Variants in CHN2 observed in about 807,000 individuals in gnomAD.
CHN2 encodes the protein chimerin 2.
A neutral mutation model predicts 56.3 loss-of-function variants in CHN2; 35 were observed. That is an observed-to-expected ratio of 0.62 (90% CI 0.47 to 0.82). CHN2 has a LOEUF of 0.82. Among genes scored for constraint, CHN2 ranks in the 40% least tolerant of loss-of-function variants. CHN2 has a pLI of 0.00. For synonymous variants in CHN2, 210 were observed against 212.8 expected (o/e 0.99, Z 0.12); for missense variants, 491 against 580.5 (o/e 0.85, Z 1.58).
Position 29,235,713 on chromosome 7 carries a change from A to G in CHN2, c.49+40723A>G, listed in dbSNP as rs146843015. Among the ~76,000 whole-genome samples the G allele has an allele frequency of 9.9e-3, 1,509 of 152,368 alleles. 28 individuals carry two copies. The highest frequency in any genetic ancestry group is 0.035 in the African/African-American group (1,446 of 41,584). ...ATGGAATACTATGTAGCCATAAAAA[A>G]GAATGAAATCATGTCCTTTGCAGCA... On this transcript the variant is annotated intron_variant, in intron 1 of 12. Coordinates refer to ENST00000222792, the MANE Select transcript of CHN2 (RefSeq NM_004067.4).
At chr7:29,364,519 G>C (rs1798991773) in intron 2 of CHN2, among the ~76,000 whole-genome samples, 2 of 152,334 alleles carry the variant, frequency 1.3e-5, no homozygotes, top group Admixed American at 1.3e-4. Context: ...GATTTTAGGA[G>C]ATGGCCATTG....
chr7:29,334,387 T>C (rs1343227390), intron 1 of CHN2: 1 of 152,070 alleles, frequency 6.6e-6, no homozygotes, highest in Non-Finnish European at 1.5e-5. Context: ...TGTTGGCATA[T>C]CAAGTCATGG....
chr7:29,434,099 A>C (rs763423501), intron 6 of CHN2, among the ~76,000 whole-genome samples: 4 of 152,156 alleles, frequency 2.6e-5, no homozygotes, highest in Non-Finnish European at 4.4e-5. Flanking sequence ...TGAAAAGTGC[A>C]CTAAGATAGA....
intron 2 of CHN2, among the ~76,000 whole-genome samples, chr7:29,168,474 A>G (rs568634354): frequency 1.3e-5 from 2 of 152,358 alleles, no homozygotes; most frequent in Admixed American, 6.5e-5. Context: ...CTCATAGTCA[A>G]TCTTTTTTGC....
intron 1 of CHN2, among the ~76,000 whole-genome samples, chr7:29,333,220 C>T (rs966674220): frequency 2.0e-5 from 3 of 152,134 alleles, no homozygotes; most frequent in Admixed American, 6.5e-5. Context: ...ACAGGGGAGG[C>T]ACATCTAGTT....
chr7:29,260,853 C>T (rs978386339), intron 1 of CHN2, among the ~76,000 whole-genome samples: 2 of 152,190 alleles, frequency 1.3e-5, no homozygotes, highest in African/African-American at 4.8e-5. Context: ...GCCCTCATCA[C>T]GTTTCATCTC....
At chr7:29,217,060 G>A (rs1318316215) in intron 1 of CHN2, among the ~76,000 whole-genome samples, 1 of 152,176 alleles carries the variant, frequency 6.6e-6, no homozygotes, top group Non-Finnish European at 1.5e-5. Context: ...CTAAATATAT[G>A]CAGCATTTTA....
intron 6 of CHN2, among the ~76,000 whole-genome samples, chr7:29,469,553 T>A (rs10258578): frequency 2.6e-4 from 40 of 152,080 alleles, no homozygotes; most frequent in Admixed American, 4.6e-4. Context: ...TTGCTCCTAT[T>A]TCATGGCCTT....
chr7:29,324,845 G>A (rs970407654), intron 1 of CHN2, among the ~76,000 whole-genome samples: 2 of 152,158 alleles, frequency 1.3e-5, no homozygotes, highest in Non-Finnish European at 2.9e-5. Flanking sequence ...GGATAGTTTT[G>A]ATAAGAATGC....
chr7:29,406,108 G>A (rs567429484), intron 6 of CHN2, among the ~76,000 whole-genome samples: 1 of 152,346 alleles, frequency 6.6e-6, no homozygotes, highest in South Asian at 2.1e-4. Flanking sequence ...TTCTGCAACA[G>A]CTCTTATTTG....
intron 6 of CHN2, among the ~76,000 whole-genome samples, chr7:29,461,514 A>G (rs1331864554): frequency 6.6e-6 from 1 of 152,176 alleles, no homozygotes; most frequent in Non-Finnish European, 1.5e-5. Context: ...TTTTCAGGCA[A>G]TAAATGTTTA....
chr7:29,422,011 A>G (rs1398371883), intron 6 of CHN2, among the ~76,000 whole-genome samples: 1 of 148,428 alleles, frequency 6.7e-6, no homozygotes, highest in Admixed American at 6.8e-5. Context: ...TTTTTATGCC[A>G]CATAGGGACA....
At chr7:29,275,677 T>C (rs1215747668) in intron 1 of CHN2, among the ~76,000 whole-genome samples, 2 of 152,162 alleles carry the variant, frequency 1.3e-5, no homozygotes, top group Non-Finnish European at 2.9e-5. Flanking sequence ...GTACTATTAT[T>C]ATTCCGGTTT....
chr7:29,418,323 G>A (rs1202514762), intron 6 of CHN2, among the ~76,000 whole-genome samples: 1 of 152,260 alleles, frequency 6.6e-6, no homozygotes, highest in Non-Finnish European at 1.5e-5. Flanking sequence ...TCGCGGAAGC[G>A]CGGGGAGGAG....
At chr7:29,345,435 T>C (rs777334278) in intron 1 of CHN2, among the ~76,000 whole-genome samples, 9 of 152,108 alleles carry the variant, frequency 5.9e-5, no homozygotes, top group Non-Finnish European at 1.2e-4. Context: ...AAGATGTCTC[T>C]GAGGAGCCAG....
rs1006365397 is a variant in CHN2, at chr7:29,281,578, A to G, written c.50-73047A>G. Reference sequence around the variant, plus strand: ...CATAGTGGCTCCAAGTTCCCCTCCTATTGGCAAGGTCTCCCGTGGCTATGA... The same window carrying G: ...CATAGTGGCTCCAAGTTCCCCTCCTGTTGGCAAGGTCTCCCGTGGCTATGA... On this transcript the variant is annotated intron_variant, in intron 1 of 12. Transcript: ENST00000222792. Among the ~76,000 whole-genome samples the G allele has an allele frequency of 2.0e-5, 3 of 152,162 alleles. No homozygotes were observed. In the East Asian group the frequency reaches 5.8e-4, roughly 29 times the overall value.
intron 6 of CHN2, among the ~76,000 whole-genome samples, chr7:29,427,656 C>CTTTTTTTTTTTTTTTTTTT (rs754677450): frequency 8.3e-6 from 1 of 120,398 alleles, no homozygotes; most frequent in Non-Finnish European, 1.7e-5. Context: ...ATTTTTTATT[C>CTTTTTTTTTTTTTTTTTTT]TTTTTTTTTT....
At chr7:29,342,044 A>C (rs1797081356) in intron 1 of CHN2, among the ~76,000 whole-genome samples, 1 of 152,240 alleles carries the variant, frequency 6.6e-6, no homozygotes, top group Non-Finnish European at 1.5e-5. Context: ...AGTTTCTTAC[A>C]ATCACTTGTT....
intron 1 of CHN2, among the ~76,000 whole-genome samples, chr7:29,210,932 G>A (rs1028277169): frequency 1.3e-5 from 2 of 152,196 alleles, no homozygotes; most frequent in Admixed American, 1.3e-4. Flanking sequence ...AAATAGGACT[G>A]GCAGGGAGGA....
Sources: gnomAD v4.1 joint callset for allele counts (sites outside exome capture counted in the v4.1 genomes callset) on GRCh38, gnomAD v4.1.1 for gene constraint, MANE v1.5 for transcripts, NCBI Gene and HGNC (gene_info 2026-07-23, HGNC 2026-07-21) for gene names.